The following PDSS2 variants were observed in gnomAD, a reference collection of about 807,000 sequenced individuals.
PDSS2 encodes all trans-polyprenyl-diphosphate synthase PDSS2.
A neutral mutation model predicts 44.5 loss-of-function variants in PDSS2; 31 were observed. The ratio of observed to expected loss-of-function variants is 0.70; its 90% CI spans 0.52 to 0.94. PDSS2 has a LOEUF of 0.94. Among genes scored for constraint, PDSS2 ranks in the 40% least tolerant of loss-of-function variants. The pLI, the probability that PDSS2 is intolerant of heterozygous loss-of-function variation, is 0.00. For synonymous variants in PDSS2, 157 were observed against 180.3 expected (o/e 0.87, Z 1.03); for missense variants, 452 against 482.2 (o/e 0.94, Z 0.59).
At chr6:107,252,931 C>G (rs1774873342) in intron 3 of PDSS2, among the ~76,000 whole-genome samples, 1 of 152,178 alleles carries the variant, frequency 6.6e-6, no homozygotes, top group Non-Finnish European at 1.5e-5. Context: ...TGGTACTGTA[C>G]TAATGAAACT....
At chr6:107,225,552 G>A (rs1270531320) in intron 4 of PDSS2, among the ~76,000 whole-genome samples, 2 of 151,976 alleles carry the variant, frequency 1.3e-5, no homozygotes, top group Non-Finnish European at 2.9e-5. Context: ...TGTAGGAAGG[G>A]TTTGCACAAG....
At chr6:107,236,002 G>A (rs1291236463) in intron 4 of PDSS2, among the ~76,000 whole-genome samples, 1 of 151,798 alleles carries the variant, frequency 6.6e-6, no homozygotes, top group Non-Finnish European at 1.5e-5. Context: ...GAGGATAAAA[G>A]GAAAGTCAGA....
intron 7 of PDSS2, among the ~76,000 whole-genome samples, chr6:107,191,126 C>T (rs1280652759): frequency 3.9e-5 from 6 of 152,112 alleles, no homozygotes; most frequent in Admixed American, 2.0e-4. Flanking sequence ...CTCCTGACTT[C>T]GTGATCCGCC....
chr6:107,368,074 T>C (rs1427973447), intron 1 of PDSS2, among the ~76,000 whole-genome samples: 1 of 151,890 alleles, frequency 6.6e-6, no homozygotes, highest in African/African-American at 2.4e-5. Context: ...ATGGAGACCA[T>C]CTTGGCCAAC....
chr6:107,342,137 C>A (rs1483787036), intron 1 of PDSS2, among the ~76,000 whole-genome samples: 1 of 151,748 alleles, frequency 6.6e-6, no homozygotes. Context: ...GGTACTCAGT[C>A]CTCTTTGGAT....
intron 6 of PDSS2, 151 bp from the exon 7 acceptor site, chr6:107,194,005 A>T (rs1367318281): frequency 2.3e-5 from 15 of 659,850 alleles, no homozygotes; most frequent in Non-Finnish European, 3.3e-5. Flanking sequence ...ATTATAATCC[A>T]TGTAAATTGC....
In PDSS2 at chr6:107,436,881, T is replaced by C. The variant is rs1240419014; in HGVS notation, c.296+22109A>G. Among the ~76,000 whole-genome samples, 4 of 152,212 alleles carry C rather than the reference T, an allele frequency of 2.6e-5. No homozygotes were observed. The South Asian group carries it at 8.3e-4, about 32-fold the overall frequency. On this transcript the variant is annotated intron_variant, in intron 1 of 7. Transcript: ENST00000369037. ...GTCAATTAAAAAAATAAAGTACAAA[T>C]TGAAAACAAAATTTATTCAAATTGG...
chr6:107,229,315 T>TAACTCC (rs1280974142), intron 4 of PDSS2, among the ~76,000 whole-genome samples: 1 of 151,910 alleles, frequency 6.6e-6, no homozygotes, highest in African/African-American at 2.4e-5. Context: ...GCCTCCAGAG[T>TAACTCC]AGCTGGGGTT....
chr6:107,262,039 G>C (rs1007884346), intron 3 of PDSS2, among the ~76,000 whole-genome samples: 7 of 150,722 alleles, frequency 4.6e-5, no homozygotes, highest in African/African-American at 1.7e-4. Flanking sequence ...CTCCTGAGTA[G>C]CTGGGACTAC....
intron 1 of PDSS2, among the ~76,000 whole-genome samples, chr6:107,349,827 G>A (rs1413531311): frequency 2.0e-5 from 3 of 152,204 alleles, no homozygotes; most frequent in African/African-American, 4.8e-5. Context: ...TCACTAACGG[G>A]AATACATTAC....
At chr6:107,262,245 T>G (rs186636493) in intron 3 of PDSS2, among the ~76,000 whole-genome samples, 2 of 152,186 alleles carry the variant, frequency 1.3e-5, no homozygotes, top group African/African-American at 4.8e-5. Context: ...AAGAACAGCC[T>G]AACACACTGT....
At chr6:107,251,344 T>G (rs1201400469) in intron 3 of PDSS2, among the ~76,000 whole-genome samples, 2 of 152,246 alleles carry the variant, frequency 1.3e-5, no homozygotes, top group African/African-American at 4.8e-5. Flanking sequence ...GTAATCTTCT[T>G]GCAAAAATTT....
rs1166051569 is a variant in PDSS2, at chr6:107,166,360, A to AG, written c.1042-11584dup. Among the ~76,000 whole-genome samples the AG allele has an allele frequency of 4.8e-5, 6 of 124,520 alleles. No individual in the cohort carries two copies. In the East Asian group the frequency reaches 6.7e-4, roughly 14 times the overall value. 81.7% of individuals were successfully genotyped at this position (124,520 alleles called of 152,430 possible). On this transcript the variant is annotated intron_variant, in intron 7 of 7. Coordinates refer to ENST00000369037, the MANE Select transcript of PDSS2 (RefSeq NM_020381.4). ...TCCCATCAATACCTAATTTATTGAGAGTTTTTTTTTTTTTTTTTTTTTGAG... is the reference window on the plus strand; with the variant it reads ...TCCCATCAATACCTAATTTATTGAGAGGTTTTTTTTTTTTTTTTTTTTTGAG...
intron 7 of PDSS2, among the ~76,000 whole-genome samples, chr6:107,172,799 T>A (rs1260250210): frequency 1.4e-4 from 21 of 149,788 alleles, no homozygotes; most frequent in African/African-American, 4.6e-4. Context: ...CTTTTTTTTT[T>A]AAAATGTGGC....
intron 1 of PDSS2, among the ~76,000 whole-genome samples, chr6:107,419,242 A>G (rs1456452127): frequency 6.6e-6 from 1 of 152,170 alleles, no homozygotes; most frequent in Non-Finnish European, 1.5e-5. Flanking sequence ...CTAAAACCAC[A>G]TTTGTCTCAA....
At chr6:107,321,993 G>A (rs1777395632) in intron 2 of PDSS2, among the ~76,000 whole-genome samples, 1 of 151,872 alleles carries the variant, frequency 6.6e-6, no homozygotes, top group African/African-American at 2.4e-5. Flanking sequence ...TCTAGTTTTG[G>A]GCTCCCTCAA....
intron 7 of PDSS2, among the ~76,000 whole-genome samples, chr6:107,178,716 T>G (rs1473674986): frequency 6.6e-6 from 1 of 152,206 alleles, no homozygotes; most frequent in Non-Finnish European, 1.5e-5. Context: ...AGAAGCAGGA[T>G]GGTGGTAAAG....
chr6:107,450,649 A>G (rs1781834772), intron 1 of PDSS2, among the ~76,000 whole-genome samples: 1 of 152,208 alleles, frequency 6.6e-6, no homozygotes, highest in African/African-American at 2.4e-5. Flanking sequence ...CAAAGGAGAA[A>G]TACATATATG....
intron 6 of PDSS2, among the ~76,000 whole-genome samples, chr6:107,194,704 C>T (rs1372991225): frequency 6.6e-6 from 1 of 152,222 alleles, no homozygotes; most frequent in Admixed American, 6.5e-5. Flanking sequence ...GTAATCCCAG[C>T]ACTTTGGGAG....
Sources: gnomAD v4.1 joint callset for allele counts (sites outside exome capture counted in the v4.1 genomes callset) on GRCh38, gnomAD v4.1.1 for gene constraint, MANE v1.5 for transcripts, NCBI Gene and HGNC (gene_info 2026-07-23, HGNC 2026-07-21) for gene names.